Variants in LRRC4C observed in about 807,000 individuals in gnomAD.
LRRC4C encodes the protein leucine rich repeat containing 4C, also known as leucine-rich repeat-containing protein 4C.
LRRC4C carries 5 observed loss-of-function variants against 33.6 expected under a neutral mutation model. The observed-to-expected ratio is 0.15, with a 90% CI of 0.08 to 0.31. The LOEUF is 0.31. Among genes scored for constraint, LRRC4C ranks in the 10% least tolerant of loss-of-function variants. The probability of loss-of-function intolerance (pLI) is 1.00; values close to 1 mark genes in which losing one functional copy is unlikely to be tolerated. For missense variants in LRRC4C, 560 were observed against 796.7 expected, an observed-to-expected ratio of 0.70 and a Z score of 3.58; for synonymous variants, 329 against 302.0, an observed-to-expected ratio of 1.09 and a Z score of -0.93.
chr11:40,281,848 C>CT (rs1565225383), intron 4 of LRRC4C, among the ~76,000 whole-genome samples: 1 of 152,048 alleles, frequency 6.6e-6, no homozygotes, highest in Admixed American at 6.6e-5. Context: ...AAAAGGCTTT[C>CT]TTTTTTAAAA....
intron 2 of LRRC4C, among the ~76,000 whole-genome samples, chr11:40,916,173 T>C (rs1296457442): frequency 1.3e-5 from 2 of 152,152 alleles, no homozygotes; most frequent in Non-Finnish European, 2.9e-5. Flanking sequence ...GAAATACCAT[T>C]TGACCCAGTC....
chr11:40,514,204 A>G (rs922322810), intron 3 of LRRC4C, among the ~76,000 whole-genome samples: 9 of 152,174 alleles, frequency 5.9e-5, no homozygotes, highest in African/African-American at 2.2e-4. Flanking sequence ...AACCTCTTCT[A>G]ACTTCAATAC....
At position 40,802,546 on chromosome 11, in the gene LRRC4C, G is replaced by C. The variant is rs557650865; in HGVS notation, c.-407+131089C>G. Reference sequence around the variant, plus strand: ...TAAGGAAGAGGAGGATAAGGAGGAAGAAAAGAAAGAGGAAAAGAAAGCCAT... The same window carrying C: ...TAAGGAAGAGGAGGATAAGGAGGAACAAAAGAAAGAGGAAAAGAAAGCCAT... On this transcript the variant is annotated intron_variant, in intron 2 of 6. Coordinates refer to ENST00000528697, the MANE Select transcript of LRRC4C (RefSeq NM_001258419.2). 5.3e-5 allele frequency among the ~76,000 whole-genome samples: 8 copies of C among 151,842 alleles called. No homozygotes were observed. In the East Asian group the frequency reaches 1.4e-3, roughly 26 times the overall value.
chr11:40,134,347 G>T (rs1387956137), intron 6 of LRRC4C, among the ~76,000 whole-genome samples: 1 of 152,154 alleles, frequency 6.6e-6, no homozygotes, highest in Non-Finnish European at 1.5e-5. Flanking sequence ...TAGAATAAAT[G>T]AAATAACACC....
chr11:41,350,371 G>A (rs139709632), intron 1 of LRRC4C, among the ~76,000 whole-genome samples: 288 of 151,740 alleles, frequency 1.9e-3, no homozygotes, highest in African/African-American at 6.3e-3. Flanking sequence ...TTAGCCGGGC[G>A]TTGTGGCGGG....
intron 1 of LRRC4C, among the ~76,000 whole-genome samples, chr11:41,190,610 C>A (rs1444823060): frequency 6.6e-6 from 1 of 152,160 alleles, no homozygotes; most frequent in Non-Finnish European, 1.5e-5. Context: ...AATGCGGATG[C>A]ATTGGCTAAA....
chr11:41,064,105 T>A (rs1418838150), intron 1 of LRRC4C, among the ~76,000 whole-genome samples: 1 of 152,236 alleles, frequency 6.6e-6, no homozygotes, highest in Non-Finnish European at 1.5e-5. Flanking sequence ...AAAAAAGTGA[T>A]TCTTAATTTT....
intron 1 of LRRC4C, among the ~76,000 whole-genome samples, chr11:41,019,884 T>A (rs917782949): frequency 6.6e-6 from 1 of 152,222 alleles, no homozygotes; most frequent in Non-Finnish European, 1.5e-5. Flanking sequence ...TTCTTGTAAA[T>A]ATGTTTAAGT....
intron 5 of LRRC4C, among the ~76,000 whole-genome samples, chr11:40,161,331 G>T (rs757298832): frequency 6.6e-6 from 1 of 152,054 alleles, no homozygotes; most frequent in Non-Finnish European, 1.5e-5. Context: ...TTGAGACTAG[G>T]CCTCCCAAAT....
intron 2 of LRRC4C, among the ~76,000 whole-genome samples, chr11:40,865,481 CATT>C (rs951610475): frequency 2.0e-5 from 3 of 149,644 alleles, no homozygotes; most frequent in African/African-American, 7.4e-5. Flanking sequence ...GGCATATGCT[CATT>C]AGTCAGATTT....
intron 5 of LRRC4C, among the ~76,000 whole-genome samples, chr11:40,214,498 A>G (rs1473894335): frequency 6.6e-6 from 1 of 152,178 alleles, no homozygotes; most frequent in African/African-American, 2.4e-5. Flanking sequence ...TCCCTAATTC[A>G]TTTGTTGGAG....
intron 1 of LRRC4C, among the ~76,000 whole-genome samples, chr11:41,100,219 G>A (rs143866803): frequency 8.5e-5 from 13 of 152,256 alleles, no homozygotes; most frequent in African/African-American, 2.9e-4. Flanking sequence ...AATCAGAGAT[G>A]ATGCAAACAA....
chr11:40,423,657 A>G (rs752802448), intron 3 of LRRC4C, among the ~76,000 whole-genome samples: 1 of 152,104 alleles, frequency 6.6e-6, no homozygotes, highest in Admixed American at 6.5e-5. Flanking sequence ...CATGTTCTTA[A>G]TGATCATGTC....
intron 1 of LRRC4C, among the ~76,000 whole-genome samples, chr11:41,060,018 C>T (rs1023829334): frequency 5.3e-5 from 8 of 152,146 alleles, no homozygotes; most frequent in African/African-American, 1.4e-4. Context: ...GAGTGAGACT[C>T]TGTCTCAAAA....
chr11:41,058,845 G>A (rs927651490), intron 1 of LRRC4C, among the ~76,000 whole-genome samples: 1 of 152,090 alleles, frequency 6.6e-6, no homozygotes. Context: ...AAGAAAATAT[G>A]GTGATTATAC....
intron 1 of LRRC4C, among the ~76,000 whole-genome samples, chr11:40,950,239 T>C (rs1048525036): frequency 4.6e-5 from 7 of 151,946 alleles, no homozygotes; most frequent in Admixed American, 6.6e-5. Context: ...CATTCCATTA[T>C]GTTTTTTTCT....
chr11:40,416,734 G>A (rs573035176), intron 3 of LRRC4C, among the ~76,000 whole-genome samples: 1 of 152,254 alleles, frequency 6.6e-6, no homozygotes, highest in Admixed American at 6.5e-5. Context: ...CAAGAAAATA[G>A]GGAATTAAGA....
intron 3 of LRRC4C, among the ~76,000 whole-genome samples, chr11:40,492,041 A>G (rs988143685): frequency 1.3e-5 from 2 of 152,222 alleles, no homozygotes; most frequent in African/African-American, 4.8e-5. Context: ...TCTTGCACAT[A>G]CACCTAATTT....
intron 2 of LRRC4C, among the ~76,000 whole-genome samples, chr11:40,863,640 C>A (rs1172716501): frequency 6.6e-6 from 1 of 152,112 alleles, no homozygotes; most frequent in Non-Finnish European, 1.5e-5. Context: ...AGCCATATTT[C>A]TTTTCAAGTG....
Sources: gnomAD v4.1 joint callset for allele counts (sites outside exome capture counted in the v4.1 genomes callset) on GRCh38, gnomAD v4.1.1 for gene constraint, MANE v1.5 for transcripts, NCBI Gene and HGNC (gene_info 2026-07-23, HGNC 2026-07-21) for gene names.